Variants in PTPRQ observed in about 807,000 individuals in gnomAD.
PTPRQ encodes the protein phosphatidylinositol phosphatase PTPRQ.
PTPRQ carries 199 observed loss-of-function variants against 246.0 expected under a neutral mutation model. The ratio of observed to expected loss-of-function variants is 0.81; its 90% confidence interval spans 0.72 to 0.91. PTPRQ has a LOEUF of 0.91. Ranked by LOEUF, PTPRQ falls within the 40% of genes least tolerant of loss-of-function variation. The pLI is 0.00. For missense variants in PTPRQ, 2,624 were observed against 2,528.4 expected (o/e 1.04, Z -0.81); for synonymous variants, 869 against 853.2 (o/e 1.02, Z -0.32).
chr12:80,655,235 T>A (rs960222487), intron 38 of PTPRQ, among the ~76,000 whole-genome samples: 1 of 152,184 alleles, frequency 6.6e-6, no homozygotes, highest in Non-Finnish European at 1.5e-5. Context: ...GGGTTACATA[T>A]CTGTTTACCC....
intron 26 of PTPRQ, among the ~76,000 whole-genome samples, chr12:80,599,931 A>G (rs1898088362): frequency 6.6e-6 from 1 of 151,620 alleles, no homozygotes; most frequent in South Asian, 2.1e-4. Flanking sequence ...CTAATCCTTC[A>G]AGAATACAAG....
rs1178663028 is a variant in PTPRQ at position 80,483,179 on chromosome 12, T to C, written c.1187-1254T>C. 9.0e-5 allele frequency among the ~76,000 whole-genome samples: 11 copies of C among 122,558 alleles called. No homozygotes were observed. In the East Asian group the frequency reaches 1.1e-3, roughly 12 times the overall value. 80.4% of individuals were successfully genotyped at this position (122,558 alleles called of 152,430 possible). A position where few individuals can be genotyped will look rare whatever the true frequency, so the allele number is the denominator to read the frequency against. On this transcript the variant is annotated intron_variant, in intron 8 of 44. Coordinates refer to ENST00000644991, the MANE Select transcript of PTPRQ (RefSeq NM_001145026.2). ...AAGAAAATGTGGCACATATACACCA[T>C]GGAATACTATGCAGCCATAAAAAAT...
chr12:80,666,622 T>C (rs1197213409), intron 39 of PTPRQ, among the ~76,000 whole-genome samples: 1 of 151,978 alleles, frequency 6.6e-6, no homozygotes, highest in East Asian at 1.9e-4. Context: ...TTACCCTGAC[T>C]TGAGTATTAC....
At chr12:80,505,997 A>G (rs1028065323) in intron 14 of PTPRQ, 27 bp from the exon 15 acceptor site, 11 of 1,528,100 alleles carry the variant, frequency 7.2e-6, no homozygotes, top group Non-Finnish European at 8.8e-6. Context: ...GAATTGTTTT[A>G]TGTATCTATA....
At chr12:80,632,134 G>T (rs2121168863) in intron 33 of PTPRQ, 58 bp from the exon 34 acceptor site, 2 of 1,507,720 alleles carry the variant, frequency 1.3e-6, no homozygotes, top group Admixed American at 2.3e-5. Context: ...TGGTAGTTTG[G>T]GATTCAAAAT....
chr12:80,571,935 T>C (rs1456295976), intron 25 of PTPRQ, among the ~76,000 whole-genome samples: 1 of 152,104 alleles, frequency 6.6e-6, no homozygotes, highest in Non-Finnish European at 1.5e-5. Flanking sequence ...TTATTATAAG[T>C]CTTGAAATCA....
intron 25 of PTPRQ, among the ~76,000 whole-genome samples, chr12:80,563,680 T>C (rs1475355568): frequency 6.6e-6 from 1 of 152,176 alleles, no homozygotes; most frequent in African/African-American, 2.4e-5. Context: ...CTGGGTTAGC[T>C]TGGGATTTTT....
At chr12:80,506,321 T>A in intron 15 of PTPRQ, 115 bp downstream of exon 15, 1 of 1,209,270 alleles carries the variant, frequency 8.3e-7, no homozygotes. Flanking sequence ...TACAATTTTG[T>A]CTTTTTGGTT....
At chr12:80,590,482 A>G (rs1437489945) in intron 26 of PTPRQ, among the ~76,000 whole-genome samples, 1 of 151,984 alleles carries the variant, frequency 6.6e-6, no homozygotes, top group Non-Finnish European at 1.5e-5. Context: ...CCTGGCTAAC[A>G]TGGTGAAACC....
chr12:80,445,511 C>A lies in PTPRQ; in HGVS notation c.184C>A (p.Leu62Ile). ...AATAGAACCAGGGCCTCCAGTCTTCCTAGCCGGGGAAAGAGTCGGATCTGC... is the reference window on the plus strand; with the variant it reads ...AATAGAACCAGGGCCTCCAGTCTTCATAGCCGGGGAAAGAGTCGGATCTGC... Reference protein sequence around the residue: ...NVTKPGPPVFLAGERVGSAGI... With the variant: ...NVTKPGPPVFIAGERVGSAGI... The change falls in exon 3 of 45, where the codon CTA (leucine) becomes ATA (isoleucine). Residue 62 changes from leucine (L) to isoleucine (I), a missense_variant. By Grantham distance (5) the Leu-to-Ile change is conservative. Coordinates refer to ENST00000644991, the MANE Select transcript of PTPRQ (RefSeq NM_001145026.2). The A allele has an allele frequency of 1.9e-6, 3 of 1,544,780 alleles. No individual in the cohort carries two copies. The highest frequency in any genetic ancestry group is 2.6e-6 in the Non-Finnish European group (3 of 1,144,328).
chr12:80,648,002 A>T (rs1900132814), intron 35 of PTPRQ, among the ~76,000 whole-genome samples: 1 of 151,850 alleles, frequency 6.6e-6, no homozygotes, highest in Non-Finnish European at 1.5e-5. Context: ...CTTCCTTTTA[A>T]ATCCTGTTTT....
rs139048802 is a variant in PTPRQ at position 80,536,375 on chromosome 12, T to C, written c.2985+1338T>C. On this transcript the variant is annotated intron_variant, in intron 19 of 44. Coordinates refer to ENST00000644991, the MANE Select transcript of PTPRQ (RefSeq NM_001145026.2). ...ACTTTAGTGCAGCTATAGTGCAATG[T>C]AGGCTAATGAAGAGGGCAAGAGCAG... Among the ~76,000 whole-genome samples, 262 of 152,322 alleles carry C rather than the reference T, an allele frequency of 1.7e-3. 1 individual carries two copies. Among genetic ancestry groups the C allele is most frequent in the African/African-American group, 4.3e-3 (180 of 41,578 alleles).
chr12:80,462,039 A>T (rs7976388), intron 6 of PTPRQ: 38,444 of 699,794 alleles, frequency 0.055, 2,787 homozygotes, highest in African/African-American at 0.25. Context: ...GTGCGCCGTG[A>T]GAGAGCCGAA....
intron 25 of PTPRQ, among the ~76,000 whole-genome samples, chr12:80,554,430 A>G (rs1307435483): frequency 2.6e-5 from 4 of 152,220 alleles, no homozygotes; most frequent in African/African-American, 9.6e-5. Context: ...TTTGGTTTTA[A>G]AAACTTGGTC....
chr12:80,574,652 A>G (rs567239397), intron 25 of PTPRQ, among the ~76,000 whole-genome samples: 1 of 152,276 alleles, frequency 6.6e-6, no homozygotes, highest in South Asian at 2.1e-4. Flanking sequence ...AATTTATGTA[A>G]CTGGAAATAA....
At chr12:80,575,716 G>T (rs1030128447) in intron 25 of PTPRQ, among the ~76,000 whole-genome samples, 1 of 151,368 alleles carries the variant, frequency 6.6e-6, no homozygotes, top group Non-Finnish European at 1.5e-5. Context: ...GCACATGCCT[G>T]TAATCCCAGC....
intron 17 of PTPRQ, among the ~76,000 whole-genome samples, chr12:80,517,509 C>A (rs1408311899): frequency 6.6e-6 from 1 of 152,024 alleles, no homozygotes; most frequent in African/African-American, 2.4e-5. Flanking sequence ...TATAAACAAT[C>A]CAATTATACT....
At chr12:80,534,791 T>G (rs1199905118) in intron 18 of PTPRQ, 101 bp from the exon 19 acceptor site, 2 of 1,380,978 alleles carry the variant, frequency 1.4e-6, no homozygotes, top group Non-Finnish European at 1.9e-6. Flanking sequence ...GAAAAACATT[T>G]TTTATCACTT....
chr12:80,502,093 C>G (rs1426151904), intron 14 of PTPRQ, among the ~76,000 whole-genome samples: 1 of 151,928 alleles, frequency 6.6e-6, no homozygotes, highest in Non-Finnish European at 1.5e-5. Flanking sequence ...TGTGTGTTCA[C>G]ATGTATCTCT....
Sources: gnomAD v4.1 joint callset for allele counts (sites outside exome capture counted in the v4.1 genomes callset) on GRCh38, gnomAD v4.1.1 for gene constraint, MANE v1.5 for transcripts, NCBI Gene and HGNC (gene_info 2026-07-23, HGNC 2026-07-21) for gene names.